FNDC1: variants seen among roughly 807,000 people sequenced by gnomAD.
FNDC1 encodes the protein fibronectin type III domain containing 1, also known as fibronectin type III domain-containing protein 1.
FNDC1 carries 96 observed loss-of-function variants against 168.0 expected under a neutral mutation model. That is an observed-to-expected ratio of 0.57 (90% CI 0.48 to 0.68). FNDC1 has a LOEUF of 0.68. FNDC1 is among the 30% of genes least tolerant of loss of function. The pLI is 0.00. For missense variants in FNDC1, 2,587 were observed against 2,482.1 expected (o/e 1.04, Z -0.90); for synonymous variants, 1,099 against 1,025.9 (o/e 1.07, Z -1.36).
At chr6:159,172,934 T>G (rs1334180943) in intron 1 of FNDC1, among the ~76,000 whole-genome samples, 1 of 152,232 alleles carries the variant, frequency 6.6e-6, no homozygotes, top group Non-Finnish European at 1.5e-5. Flanking sequence ...TTTGCCAAAA[T>G]GTAGAAACAA....
At chr6:159,202,776 T>C (rs1290673970) in intron 4 of FNDC1, among the ~76,000 whole-genome samples, 2 of 152,230 alleles carry the variant, frequency 1.3e-5, no homozygotes, top group African/African-American at 4.8e-5. Flanking sequence ...AGATACAAGC[T>C]AGACAAGGGA....
At chr6:159,235,101 A>C (rs1783218007) in intron 11 of FNDC1, among the ~76,000 whole-genome samples, 1 of 152,186 alleles carries the variant, frequency 6.6e-6, no homozygotes, top group Non-Finnish European at 1.5e-5. Context: ...ACCTCCAGAA[A>C]ATGTATGTTA....
At chr6:159,203,040 A>G (rs926027359) in intron 4 of FNDC1, among the ~76,000 whole-genome samples, 3 of 152,148 alleles carry the variant, frequency 2.0e-5, no homozygotes, top group Admixed American at 2.0e-4. Context: ...GTGTCCTTGA[A>G]TGGCCTTTCT....
intron 17 of FNDC1, among the ~76,000 whole-genome samples, chr6:159,252,192 G>A (rs1379329262): frequency 6.6e-6 from 1 of 152,158 alleles, no homozygotes; most frequent in Non-Finnish European, 1.5e-5. Context: ...TATGGAAAGA[G>A]AATTGATATT....
chr6:159,229,205 C>T (rs1783027811), intron 9 of FNDC1, among the ~76,000 whole-genome samples: 1 of 152,180 alleles, frequency 6.6e-6, no homozygotes, highest in African/African-American at 2.4e-5. Flanking sequence ...AAGATGGAAA[C>T]ATTAGCTATC....
At chr6:159,212,575 A>G (rs960813903) in intron 4 of FNDC1, among the ~76,000 whole-genome samples, 2 of 152,214 alleles carry the variant, frequency 1.3e-5, no homozygotes, top group Non-Finnish European at 2.9e-5. Flanking sequence ...GATTTGAAAG[A>G]GAGACAATTG....
At chr6:159,189,783 T>G (rs933700863) in intron 1 of FNDC1, among the ~76,000 whole-genome samples, 1 of 152,258 alleles carries the variant, frequency 6.6e-6, no homozygotes, top group Non-Finnish European at 1.5e-5. Flanking sequence ...GGACTTTAAA[T>G]TTCCCCTGGG....
At chr6:159,245,150 A>G (rs1188412658) in intron 14 of FNDC1, among the ~76,000 whole-genome samples, 1 of 152,196 alleles carries the variant, frequency 6.6e-6, no homozygotes, top group African/African-American at 2.4e-5. Context: ...GCATGGGGGA[A>G]ACTGCCCCCA....
intron 19 of FNDC1, among the ~76,000 whole-genome samples, chr6:159,263,075 A>G (rs1448830906): frequency 6.6e-6 from 1 of 152,252 alleles, no homozygotes; most frequent in African/African-American, 2.4e-5. Context: ...AGGCTGTGCC[A>G]TGAGTTCAGG....
In FNDC1 at chr6:159,229,808, A is replaced by G. The variant is rs1413567844; in HGVS notation, c.1181-7A>G. On this transcript the variant is annotated splice_region_variant and splice_polypyrimidine_tract_variant and intron_variant, in intron 9 of 22. Transcript: ENST00000297267. ...CCTCCTTCCAACCATCTGCCAAATCATTTCAGAATACATTCTTTCATACGC... is the reference window on the plus strand; with the variant it reads ...CCTCCTTCCAACCATCTGCCAAATCGTTTCAGAATACATTCTTTCATACGC... 6.2e-7 allele frequency: 1 copy of G among 1,602,588 alleles called. No individual in the cohort carries two copies.
chr6:159,223,618 A>T lies in FNDC1; in HGVS notation c.857A>T (p.Glu286Val), dbSNP rs200234725. The change falls in exon 7 of 23, where the codon GAA becomes GTA. Residue 286 changes from glutamate (E) to valine (V), a missense_variant. Physicochemically the swap from Glu to Val is moderately radical, Grantham distance 121. Transcript: ENST00000297267. ...GTGTCCTGGGTGGATCCTGTTCTGGAAAAACAGAAGAAAGTTGTTGCATCA... is the reference window on the plus strand; with the variant it reads ...GTGTCCTGGGTGGATCCTGTTCTGGTAAAACAGAAGAAAGTTGTTGCATCA... ...VLVSWVDPVL[E>V]KQKKVVASRQ... 3.7e-4 allele frequency: 597 copies of T among 1,612,580 alleles called. 1 individual carries two copies. The African/African-American group carries it at 6.9e-3, about 19-fold the overall frequency.
At chr6:159,230,550 T>C (rs904711481) in intron 10 of FNDC1, among the ~76,000 whole-genome samples, 3 of 152,310 alleles carry the variant, frequency 2.0e-5, no homozygotes, top group South Asian at 4.1e-4. Flanking sequence ...AAAAATAAGA[T>C]AAAAGTAAAA....
At chr6:159,172,789 TC>T (rs1781687293) in intron 1 of FNDC1, among the ~76,000 whole-genome samples, 1 of 152,224 alleles carries the variant, frequency 6.6e-6, no homozygotes, top group Admixed American at 6.5e-5. Flanking sequence ...CAAAGATTTT[TC>T]AAAATTATCC....
Position 159,239,562 on chromosome 6 carries a change from T to A in FNDC1, c.4226T>A (p.Phe1409Tyr). 6.2e-7 allele frequency: 1 copy of A among 1,604,654 alleles called. No individual in the cohort carries two copies. Among genetic ancestry groups the A allele is most frequent in the Non-Finnish European group, 8.5e-7 (1 of 1,175,378 alleles). Residue 1409 changes from phenylalanine to tyrosine, a missense_variant, in exon 14 of 23, where the codon TTT (phenylalanine) becomes TAT (tyrosine). Phe to Tyr is a conservative substitution (Grantham distance 22). Coordinates refer to ENST00000297267, the MANE Select transcript of FNDC1 (RefSeq NM_032532.3). ...GTGAGTCCTGACGGCCTCCCACTCT[T>A]TGGGCAGGGGCGACATGGCACACCT... ...PVVSPDGLPL[F>Y]GQGRHGTPLA...
chr6:159,223,439 G>A (rs1782879396), intron 6 of FNDC1, 89 bp from the exon 7 acceptor site: 1 of 666,432 alleles, frequency 1.5e-6, no homozygotes, highest in Non-Finnish European at 2.6e-6. Flanking sequence ...ACTTATGCAG[G>A]GTGAATAATA....
At chr6:159,207,236 G>T (rs1442063723) in intron 4 of FNDC1, among the ~76,000 whole-genome samples, 1 of 152,178 alleles carries the variant, frequency 6.6e-6, no homozygotes, top group Non-Finnish European at 1.5e-5. Flanking sequence ...GACACAAGCA[G>T]TGGGGGTAAG....
intron 5 of FNDC1, among the ~76,000 whole-genome samples, chr6:159,216,192 A>G (rs147696567): frequency 3.3e-3 from 507 of 152,210 alleles, no homozygotes; most frequent in Non-Finnish European, 5.9e-3. Context: ...GAACTCCTGA[A>G]TTCAGATGAT....
chr6:159,219,514 G>A (rs547043628), intron 5 of FNDC1, among the ~76,000 whole-genome samples: 31 of 152,200 alleles, frequency 2.0e-4, no homozygotes, highest in Non-Finnish European at 3.7e-4. Flanking sequence ...TTTGGTGCCC[G>A]CAGATCTGGG....
Position 159,233,953 on chromosome 6 carries a change from C to A in FNDC1, c.3441C>A (p.Arg1147=). The part of the protein sequence containing the change: ...RPSRPGGPQS[R]ARVPSRAAPG... ...GCCGACCCGGCGGCCCCCAGTCCCG[C>A]GCCCGGGTACCCAGCAGGGCAGCGC... Residue 1147 remains arginine (R), a synonymous_variant, in exon 11 of 23, where the codon CGC becomes CGA. Transcript: ENST00000297267. This position sits in a 1 kb window ranked among gnomAD's most constrained non-coding sequence, Gnocchi z 4.6. 2 of 1,570,470 alleles carry A rather than the reference C, an allele frequency of 1.3e-6. No homozygotes were observed. The highest frequency in any genetic ancestry group is 1.7e-6 in the Non-Finnish European group (2 of 1,157,992).
Sources: allele counts gnomAD v4.1 joint callset (sites outside exome capture counted in the v4.1 genomes callset), GRCh38; gene constraint gnomAD v4.1.1; non-coding constraint Gnocchi (gnomAD v3.1); transcripts MANE v1.5; gene names NCBI Gene and HGNC (gene_info 2026-07-23, HGNC 2026-07-21).